The following ANO10 variants were observed in gnomAD, a reference collection of about 807,000 sequenced individuals.
The protein encoded by ANO10 is anoctamin 10, also known as anoctamin-10.
In ANO10, 77 loss-of-function variants were observed where a neutral mutation model predicts 74.7. That is an observed-to-expected ratio of 1.03 (90% CI 0.86 to 1.25). ANO10 has a LOEUF of 1.25. Ranked by LOEUF, ANO10 falls within the 50% of genes most tolerant of loss-of-function variation. The pLI is 0.00. For missense variants in ANO10, 721 were observed against 778.1 expected (o/e 0.93, Z 0.87); for synonymous variants, 279 against 284.9 (o/e 0.98, Z 0.21).
At chr3:43,435,773 A>G (rs2093057175) in intron 11 of ANO10, among the ~76,000 whole-genome samples, 1 of 152,320 alleles carries the variant, frequency 6.6e-6, no homozygotes. Flanking sequence ...AGCATCAACC[A>G]TTCACAGATA....
chr3:43,378,501 G>T (rs919053319), intron 12 of ANO10, among the ~76,000 whole-genome samples: 1 of 152,104 alleles, frequency 6.6e-6, no homozygotes, highest in African/African-American at 2.4e-5. Context: ...CCCCACATCT[G>T]AACACTGTAT....
Position 43,557,665 on chromosome 3 carries a change from G to A in ANO10, c.1477-2196C>T, listed in dbSNP as rs1006280795. On this transcript the variant is annotated intron_variant, in intron 9 of 12. Coordinates refer to ENST00000292246, the MANE Select transcript of ANO10 (RefSeq NM_018075.5). The stretch of plus-strand genomic sequence containing the variant: ...CAGGAGAATGGTATAAACCTGGGAG[G>A]CGGAGCTTGCAGTGAGCCAAGATCG... Among the ~76,000 whole-genome samples the A allele has an allele frequency of 3.3e-5, 5 of 150,354 alleles. No individual in the cohort carries two copies. In the South Asian group the frequency reaches 6.4e-4, roughly 19 times the overall value.
intron 1 of ANO10, among the ~76,000 whole-genome samples, chr3:43,681,321 A>C (rs1431610058): frequency 6.6e-6 from 1 of 152,130 alleles, no homozygotes; most frequent in Non-Finnish European, 1.5e-5. Flanking sequence ...AAAGATCAGA[A>C]GAGACAAAGA....
At chr3:43,641,116 AT>A (rs2083666283) in intron 1 of ANO10, among the ~76,000 whole-genome samples, 1 of 152,220 alleles carries the variant, frequency 6.6e-6, no homozygotes, top group Non-Finnish European at 1.5e-5. Flanking sequence ...ACATAAAATT[AT>A]ATACCAAAAT....
At chr3:43,521,537 G>A (rs967662551) in intron 11 of ANO10, among the ~76,000 whole-genome samples, 1 of 152,188 alleles carries the variant, frequency 6.6e-6, no homozygotes, top group African/African-American at 2.4e-5. Flanking sequence ...CCAGACATAT[G>A]AAAAGATGCT....
intron 12 of ANO10, among the ~76,000 whole-genome samples, chr3:43,425,413 A>G (rs1346616158): frequency 6.6e-6 from 1 of 151,964 alleles, no homozygotes; most frequent in Non-Finnish European, 1.5e-5. Context: ...AAACCTATTA[A>G]ATTAGGTTAA....
chr3:43,580,312 A>T (rs1238373036), intron 5 of ANO10, 41 bp downstream of exon 5: 2 of 1,612,586 alleles, frequency 1.2e-6, no homozygotes, highest in East Asian at 4.5e-5. Flanking sequence ...TTTTCATCAG[A>T]GGCCTTCCTC....
chr3:43,642,253 CCT>C (rs2083678016), intron 1 of ANO10, among the ~76,000 whole-genome samples: 1 of 152,098 alleles, frequency 6.6e-6, no homozygotes, highest in South Asian at 2.1e-4. Context: ...GTTGTTTTTG[CCT>C]CTCTTTTCTG....
intron 9 of ANO10, among the ~76,000 whole-genome samples, chr3:43,558,649 T>C (rs1282809160): frequency 2.0e-5 from 3 of 152,332 alleles, no homozygotes; most frequent in South Asian, 2.1e-4. Context: ...GACTCACATA[T>C]AACAGTCAGG....
chr3:43,530,925 TAA>T (rs2078439945), intron 11 of ANO10, among the ~76,000 whole-genome samples: 2 of 152,112 alleles, frequency 1.3e-5, no homozygotes, highest in Non-Finnish European at 2.9e-5. Context: ...ATTACACTGA[TAA>T]GAGAGGATAT....
chr3:43,428,830 A>T (rs1575766510), intron 12 of ANO10, among the ~76,000 whole-genome samples: 2 of 145,608 alleles, frequency 1.4e-5, no homozygotes, highest in East Asian at 4.0e-4. Flanking sequence ...TCATTGAAGC[A>T]TTTCAGATTT....
At chr3:43,526,795 T>C (rs1184659605) in intron 11 of ANO10, among the ~76,000 whole-genome samples, 1 of 152,106 alleles carries the variant, frequency 6.6e-6, no homozygotes, top group Non-Finnish European at 1.5e-5. Context: ...ATAAATAATA[T>C]AGAATATAGC....
chr3:43,576,845 A>G lies in ANO10; in HGVS notation c.1009T>C (p.Phe337Leu), dbSNP rs1227163239. The G allele has an allele frequency of 6.8e-6, 11 of 1,614,080 alleles. No homozygotes were observed. In the South Asian group the frequency reaches 7.7e-5, roughly 11 times the overall value. Residue 337 changes from phenylalanine (F) to leucine (L), a missense_variant, in exon 6 of 13, where the codon TTC becomes CTC. Transcript: ENST00000292246. ...YFSLYVMMIY[F>L]DMEVWALGLH... ...CCCAAGGCCCAAACCTCCATGTCGAAGTAAATCATCATGACATACAGTGAG... is the reference window on the plus strand; with the variant it reads ...CCCAAGGCCCAAACCTCCATGTCGAGGTAAATCATCATGACATACAGTGAG...
chr3:43,480,260 C>T (rs918101443), intron 11 of ANO10, among the ~76,000 whole-genome samples: 5 of 151,872 alleles, frequency 3.3e-5, no homozygotes, highest in African/African-American at 1.2e-4. Context: ...CAACAGAGGG[C>T]CAGAAATAAA....
chr3:43,621,756 C>T (rs1219323191), intron 1 of ANO10, 153 bp downstream of exon 1: 1 of 152,604 alleles, frequency 6.6e-6, no homozygotes, highest in South Asian at 2.1e-4. Flanking sequence ...ACTTCCCATC[C>T]CCAGGGGTGC....
chr3:43,653,156 A>G (rs2083807827), intron 1 of ANO10: 1 of 152,184 alleles, frequency 6.6e-6, no homozygotes, highest in Non-Finnish European at 1.5e-5. Flanking sequence ...AGTTGCAGTG[A>G]GCCAAGATCA....
chr3:43,412,648 A>T (rs916670836), intron 12 of ANO10, among the ~76,000 whole-genome samples: 1 of 152,112 alleles, frequency 6.6e-6, no homozygotes, highest in East Asian at 1.9e-4. Flanking sequence ...AAAGAAACAA[A>T]CTCTGTATTC....
intron 1 of ANO10, among the ~76,000 whole-genome samples, chr3:43,672,595 T>C (rs2084073015): frequency 6.6e-6 from 1 of 152,138 alleles, no homozygotes; most frequent in African/African-American, 2.4e-5. Flanking sequence ...CATAAATCAT[T>C]ATCATACTTT....
chr3:43,379,627 C>A (rs2091904209), intron 12 of ANO10, among the ~76,000 whole-genome samples: 1 of 152,194 alleles, frequency 6.6e-6, no homozygotes, highest in South Asian at 2.1e-4. Flanking sequence ...AGTTCTCAGC[C>A]CTGGAAATAA....
Sources: gnomAD v4.1 joint callset for allele counts (sites outside exome capture counted in the v4.1 genomes callset) on GRCh38, gnomAD v4.1.1 for gene constraint, MANE v1.5 for transcripts, NCBI Gene and HGNC (gene_info 2026-07-23, HGNC 2026-07-21) for gene names.